The following PPM1L variants were observed in gnomAD, a reference collection of about 807,000 sequenced individuals.
PPM1L encodes the protein protein phosphatase 1L.
A neutral mutation model predicts 31.4 loss-of-function variants in PPM1L; 13 were observed. That is an observed-to-expected ratio of 0.41 (90% CI 0.27 to 0.66). The LOEUF is 0.66. PPM1L is among the 30% of genes least tolerant of loss of function. PPM1L has a pLI of 0.29. For missense variants in PPM1L, 326 were observed against 453.7 expected (o/e 0.72, Z 2.56); for synonymous variants, 184 against 175.4 (o/e 1.05, Z -0.39).
chr3:160,768,273 T>G (rs774861911), intron 1 of PPM1L, among the ~76,000 whole-genome samples: 6 of 152,192 alleles, frequency 3.9e-5, no homozygotes, highest in Non-Finnish European at 8.8e-5. Context: ...TATCTATTTT[T>G]AAGGACTTTC....
chr3:160,828,289 C>A (rs1045478298), intron 1 of PPM1L, among the ~76,000 whole-genome samples: 5 of 152,044 alleles, frequency 3.3e-5, no homozygotes, highest in Non-Finnish European at 7.4e-5. Flanking sequence ...CTTGCTTGAC[C>A]ATATTTACCA....
At chr3:160,757,944 G>A (rs928123304) in intron 1 of PPM1L, among the ~76,000 whole-genome samples, 3 of 152,104 alleles carry the variant, frequency 2.0e-5, no homozygotes, top group Non-Finnish European at 4.4e-5. Context: ...CTTTCAACTG[G>A]ATATCTTATC....
At position 161,077,506 on chromosome 3, in the gene PPM1L, AG is replaced by A. The variant is rs755592330; in HGVS notation, c.*8351del. On this transcript the variant is annotated 3_prime_UTR_variant, in exon 4 of 4. Transcript: ENST00000498165. The stretch of plus-strand genomic sequence containing the variant: ...AGGATTATAGAAAAGGAGAAAAGGG[AG>A]GAGCAAGAACATCTCTCCATGGCCT... 1 of 152,302 alleles carries A rather than the reference AG, an allele frequency of 6.6e-6. No individual in the cohort carries two copies. The highest frequency in any genetic ancestry group is 2.4e-5 in the African/African-American group (1 of 41,454). 9.4% of individuals were successfully genotyped at this position (152,302 alleles called of 1,614,324 possible).
chr3:160,988,153 G>A (rs1279007322), intron 2 of PPM1L, among the ~76,000 whole-genome samples: 3 of 152,214 alleles, frequency 2.0e-5, no homozygotes, highest in African/African-American at 7.2e-5. Flanking sequence ...TGAGGTGACT[G>A]AAGCTCATGG....
At chr3:161,044,924 A>C (rs1479212873) in intron 2 of PPM1L, among the ~76,000 whole-genome samples, 1 of 152,204 alleles carries the variant, frequency 6.6e-6, no homozygotes, top group African/African-American at 2.4e-5. Flanking sequence ...GGGATGGAGG[A>C]AGATCTACCA....
At chr3:160,801,376 A>C (rs796199896) in intron 1 of PPM1L, among the ~76,000 whole-genome samples, 2 of 152,202 alleles carry the variant, frequency 1.3e-5, no homozygotes, top group South Asian at 2.1e-4. Context: ...GAAATTTGTT[A>C]AGTAAATGGA....
At chr3:161,056,827 C>T (rs1425163863) in intron 2 of PPM1L, among the ~76,000 whole-genome samples, 1 of 151,984 alleles carries the variant, frequency 6.6e-6, no homozygotes. Flanking sequence ...TTTGGGAGGC[C>T]GAGGTGGGTA....
At chr3:160,822,921 A>G (rs532586045) in intron 1 of PPM1L, among the ~76,000 whole-genome samples, 5 of 152,126 alleles carry the variant, frequency 3.3e-5, no homozygotes, top group Non-Finnish European at 7.4e-5. Context: ...GACCATCTGT[A>G]AGAAAAATAA....
At chr3:160,849,426 T>C (rs1298522947) in intron 1 of PPM1L, among the ~76,000 whole-genome samples, 1 of 152,092 alleles carries the variant, frequency 6.6e-6, no homozygotes, top group Non-Finnish European at 1.5e-5. Context: ...TTTCTTTTTT[T>C]TTTTTAAGAT....
intron 1 of PPM1L, among the ~76,000 whole-genome samples, chr3:160,903,925 G>A (rs1342250275): frequency 6.6e-6 from 1 of 151,886 alleles, no homozygotes; most frequent in Non-Finnish European, 1.5e-5. Context: ...TATTTATCTT[G>A]GTAAAATTCT....
chr3:160,861,888 C>G (rs188233327), intron 1 of PPM1L, among the ~76,000 whole-genome samples: 1 of 152,166 alleles, frequency 6.6e-6, no homozygotes, highest in South Asian at 2.1e-4. Context: ...TCAACTTTTG[C>G]TTCCATTGCT....
chr3:160,993,083 T>C (rs1455192182), intron 2 of PPM1L, among the ~76,000 whole-genome samples: 2 of 152,186 alleles, frequency 1.3e-5, no homozygotes, highest in Non-Finnish European at 2.9e-5. Flanking sequence ...AGGTTTTTTT[T>C]TTTTTCTTGG....
At chr3:160,961,624 A>G in intron 1 of PPM1L, 112 bp from the exon 2 acceptor site, 1 of 759,018 alleles carries the variant, frequency 1.3e-6, no homozygotes, top group Non-Finnish European at 2.0e-6. Flanking sequence ...GCTTGTCTGG[A>G]GGGTTGGTTT....
chr3:160,980,271 G>A (rs985339996), intron 2 of PPM1L, among the ~76,000 whole-genome samples: 1 of 151,972 alleles, frequency 6.6e-6, no homozygotes, highest in Admixed American at 6.6e-5. Context: ...CCTGAACTAT[G>A]GCCAAACCTC....
At chr3:160,950,612 G>A (rs967121234) in intron 1 of PPM1L, among the ~76,000 whole-genome samples, 5 of 152,200 alleles carry the variant, frequency 3.3e-5, no homozygotes, top group Non-Finnish European at 5.9e-5. Context: ...ACTCTAAAGA[G>A]CCTTGTAGGT....
At chr3:160,830,977 G>A (rs748652445) in intron 1 of PPM1L, among the ~76,000 whole-genome samples, 3 of 152,114 alleles carry the variant, frequency 2.0e-5, no homozygotes, top group South Asian at 2.1e-4. Flanking sequence ...TAGGTGTTGG[G>A]GATGGAATTC....
intron 1 of PPM1L, among the ~76,000 whole-genome samples, chr3:160,876,307 G>T (rs1712508531): frequency 6.6e-6 from 1 of 152,126 alleles, no homozygotes; most frequent in Non-Finnish European, 1.5e-5. Context: ...TTCTGGCTTT[G>T]TGTGTATGTT....
intron 2 of PPM1L, among the ~76,000 whole-genome samples, chr3:160,996,308 G>T (rs1170269222): frequency 1.3e-5 from 2 of 152,100 alleles, no homozygotes; most frequent in African/African-American, 2.4e-5. Context: ...CAGAGGAAAA[G>T]AAGTCATTAT....
At chr3:160,907,556 G>GT (rs1713805620) in intron 1 of PPM1L, among the ~76,000 whole-genome samples, 1 of 151,820 alleles carries the variant, frequency 6.6e-6, no homozygotes, top group African/African-American at 2.4e-5. Context: ...TTTCCCTCTT[G>GT]TATATATAAG....
Sources: gnomAD v4.1 joint callset for allele counts (sites outside exome capture counted in the v4.1 genomes callset) on GRCh38, gnomAD v4.1.1 for gene constraint, MANE v1.5 for transcripts, NCBI Gene and HGNC (gene_info 2026-07-23, HGNC 2026-07-21) for gene names.